LRRTM4: variants seen among roughly 807,000 people sequenced by gnomAD.
The protein encoded by LRRTM4 is leucine-rich repeat transmembrane neuronal protein 4.
Under a neutral mutation model 47.6 loss-of-function variants are expected in LRRTM4, and 25 were observed. The ratio of observed to expected loss-of-function variants is 0.53; its 90% CI spans 0.38 to 0.73. The LOEUF (loss-of-function observed/expected upper bound fraction) is 0.73. Among genes scored for constraint, LRRTM4 ranks in the 30% least tolerant of loss-of-function variants. LRRTM4 has a pLI of 0.00. For synonymous variants in LRRTM4, 311 were observed against 269.5 expected, an observed-to-expected ratio of 1.15 and a Z score of -1.51; for missense variants, 638 against 713.4, an observed-to-expected ratio of 0.89 and a Z score of 1.20.
chr2:77,128,272 T>C (rs1240406612), intron 3 of LRRTM4, among the ~76,000 whole-genome samples: 1 of 152,184 alleles, frequency 6.6e-6, no homozygotes, highest in African/African-American at 2.4e-5. Flanking sequence ...AGAAAGTTCA[T>C]GACATAAAAT....
intron 3 of LRRTM4, among the ~76,000 whole-genome samples, chr2:77,342,881 A>G (rs188011686): frequency 9.2e-5 from 14 of 152,000 alleles, no homozygotes; most frequent in African/African-American, 2.6e-4. Context: ...ATGAACTACA[A>G]TTAGAATCCT....
chr2:77,275,770 G>A lies in LRRTM4; in HGVS notation c.1551+242548C>T, dbSNP rs193100014. Among the ~76,000 whole-genome samples, 440 of 151,790 alleles carry A rather than the reference G, an allele frequency of 2.9e-3. 3 individuals carry two copies. The highest frequency in any genetic ancestry group is 4.2e-3 in the Non-Finnish European group (283 of 67,932). On this transcript the variant is annotated intron_variant, in intron 3 of 3. Coordinates refer to ENST00000409884, the MANE Select transcript of LRRTM4 (RefSeq NM_001134745.3). ...TAAAGGCAGGTATTAGAAAGCTCCTGGACCCTCAAGAGTAATGTGATACCA... is the reference window on the plus strand; with the variant it reads ...TAAAGGCAGGTATTAGAAAGCTCCTAGACCCTCAAGAGTAATGTGATACCA...
At chr2:77,368,792 T>G (rs1672550014) in intron 3 of LRRTM4, among the ~76,000 whole-genome samples, 1 of 151,760 alleles carries the variant, frequency 6.6e-6, no homozygotes, top group Non-Finnish European at 1.5e-5. Flanking sequence ...TGAATAATGC[T>G]GAAGTGAATG....
At chr2:76,894,950 TATC>T (rs1310375528) in intron 3 of LRRTM4, among the ~76,000 whole-genome samples, 7 of 151,612 alleles carry the variant, frequency 4.6e-5, no homozygotes, top group African/African-American at 1.5e-4. Flanking sequence ...TATTTTATCT[TATC>T]AATAAAGTAT....
At chr2:77,023,946 A>G (rs1678361578) in intron 3 of LRRTM4, among the ~76,000 whole-genome samples, 1 of 151,948 alleles carries the variant, frequency 6.6e-6, no homozygotes, top group Non-Finnish European at 1.5e-5. Flanking sequence ...GACGTACCCA[A>G]GACTGGGAAG....
At chr2:77,057,808 C>T (rs1679658522) in intron 3 of LRRTM4, among the ~76,000 whole-genome samples, 1 of 152,098 alleles carries the variant, frequency 6.6e-6, no homozygotes, top group African/African-American at 2.4e-5. Flanking sequence ...AATGACACCT[C>T]TATTAAGGAT....
chr2:76,883,569 C>G (rs62170282), intron 3 of LRRTM4, among the ~76,000 whole-genome samples: 2 of 152,026 alleles, frequency 1.3e-5, no homozygotes, highest in African/African-American at 4.8e-5. Flanking sequence ...AAAGCTAGGA[C>G]AGAGGAACTG....
chr2:76,821,706 T>C (rs2103859825), intron 3 of LRRTM4, among the ~76,000 whole-genome samples: 1 of 151,792 alleles, frequency 6.6e-6, no homozygotes, highest in African/African-American at 2.4e-5. Context: ...CAGTAGAAAA[T>C]AATGCATTAA....
chr2:77,405,860 T>G (rs1485137419), intron 3 of LRRTM4, among the ~76,000 whole-genome samples: 1 of 152,282 alleles, frequency 6.6e-6, no homozygotes, highest in South Asian at 2.1e-4. Flanking sequence ...AAGGTGTTTC[T>G]CTGTTGGTTT....
chr2:76,808,761 C>G (rs1353534196), intron 3 of LRRTM4, among the ~76,000 whole-genome samples: 1 of 152,134 alleles, frequency 6.6e-6, no homozygotes, highest in Non-Finnish European at 1.5e-5. Flanking sequence ...GGCCACTTTC[C>G]TGCAACACAT....
intron 3 of LRRTM4, among the ~76,000 whole-genome samples, chr2:77,160,154 T>C (rs903147167): frequency 4.6e-5 from 7 of 152,026 alleles, no homozygotes; most frequent in African/African-American, 1.7e-4. Context: ...TGATTGGCTG[T>C]GTTGAAAATC....
chr2:76,942,598 C>G (rs572260129), intron 3 of LRRTM4, among the ~76,000 whole-genome samples: 1 of 150,898 alleles, frequency 6.6e-6, no homozygotes, highest in Admixed American at 6.6e-5. Context: ...AGCTTCAACC[C>G]CAACATTTAT....
At chr2:76,883,101 A>G (rs1312845497) in intron 3 of LRRTM4, among the ~76,000 whole-genome samples, 1 of 152,142 alleles carries the variant, frequency 6.6e-6, no homozygotes, top group Non-Finnish European at 1.5e-5. Flanking sequence ...TCCTGGTTCC[A>G]GTGAGTGGCT....
intron 3 of LRRTM4, among the ~76,000 whole-genome samples, chr2:76,940,417 A>G (rs1051122109): frequency 4.6e-5 from 7 of 152,180 alleles, no homozygotes; most frequent in Admixed American, 4.6e-4. Flanking sequence ...GTTCTCACTT[A>G]TAAGTGGGTG....
intron 3 of LRRTM4, among the ~76,000 whole-genome samples, chr2:77,090,139 T>C (rs1250687727): frequency 2.6e-5 from 4 of 152,066 alleles, no homozygotes; most frequent in Admixed American, 2.6e-4. Context: ...TCACCTCCCC[T>C]CCTCACACCT....
At chr2:77,249,750 C>A (rs1353058016) in intron 3 of LRRTM4, among the ~76,000 whole-genome samples, 1 of 152,170 alleles carries the variant, frequency 6.6e-6, no homozygotes, top group African/African-American at 2.4e-5. Context: ...CTTTGGAGGA[C>A]AGTTTAACTG....
At chr2:77,032,131 G>C (rs77392288) in intron 3 of LRRTM4, among the ~76,000 whole-genome samples, 1 of 151,926 alleles carries the variant, frequency 6.6e-6, no homozygotes, top group Admixed American at 6.6e-5. Context: ...CTATCCTTGC[G>C]CTTTCCACCT....
chr2:77,162,265 G>A (rs1477925361), intron 3 of LRRTM4, among the ~76,000 whole-genome samples: 2 of 152,184 alleles, frequency 1.3e-5, no homozygotes, highest in Non-Finnish European at 2.9e-5. Flanking sequence ...TGGCAGCAAG[G>A]CTGGGGGTGG....
chr2:77,367,333 G>A (rs542037344), intron 3 of LRRTM4, among the ~76,000 whole-genome samples: 3 of 150,878 alleles, frequency 2.0e-5, no homozygotes, highest in Non-Finnish European at 4.4e-5. Context: ...AAAGCAGGAG[G>A]CTGTCAATTT....
Sources: allele counts gnomAD v4.1 joint callset (sites outside exome capture counted in the v4.1 genomes callset), GRCh38; gene constraint gnomAD v4.1.1; transcripts MANE v1.5; gene names NCBI Gene and HGNC (gene_info 2026-07-23, HGNC 2026-07-21).